FNBP1: variants seen among roughly 807,000 people sequenced by gnomAD.
The protein encoded by FNBP1 is formin binding protein 1, also known as formin-binding protein 1.
A neutral mutation model predicts 90.6 loss-of-function variants in FNBP1; 26 were observed. That is an observed-to-expected ratio of 0.29 (90% CI 0.21 to 0.40). FNBP1 has a LOEUF of 0.40. Ranked by LOEUF, FNBP1 falls within the 10% of genes least tolerant of loss-of-function variation. FNBP1 has a pLI of 1.00. For missense variants in FNBP1, 635 were observed against 768.0 expected (o/e 0.83, Z 2.05); for synonymous variants, 260 against 265.2 (o/e 0.98, Z 0.19).
chr9:129,938,983 A>T (rs886696422), intron 6 of FNBP1, among the ~76,000 whole-genome samples: 1 of 151,958 alleles, frequency 6.6e-6, no homozygotes, highest in African/African-American at 2.4e-5. Context: ...GAAATTGATT[A>T]TTATTACTTT....
intron 2 of FNBP1, among the ~76,000 whole-genome samples, chr9:129,991,053 C>G (rs1217976713): frequency 1.3e-5 from 2 of 150,802 alleles, no homozygotes; most frequent in Admixed American, 6.7e-5. Flanking sequence ...CCTGCCTTAG[C>G]CTCCTGAGTA....
upstream of FNBP1, among the ~76,000 whole-genome samples, chr9:130,043,394 C>G (rs960750670): frequency 1.3e-5 from 2 of 152,136 alleles, no homozygotes; most frequent in African/African-American, 4.8e-5. Context: ...GGACCCGGAT[C>G]CCTAGGACTC....
At chr9:129,953,759 G>T (rs1342950830) in intron 6 of FNBP1, among the ~76,000 whole-genome samples, 1 of 143,680 alleles carries the variant, frequency 7.0e-6, no homozygotes, top group African/African-American at 2.6e-5. Context: ...AGCATCTAAA[G>T]AAAGAACTTT....
At chr9:130,016,772 C>T (rs921651513) in intron 1 of FNBP1, among the ~76,000 whole-genome samples, 3 of 152,084 alleles carry the variant, frequency 2.0e-5, no homozygotes, top group African/African-American at 7.2e-5. Flanking sequence ...AAAATATTTG[C>T]TTAATGCATG....
chr9:129,907,092 T>C (rs1464964106), intron 12 of FNBP1, among the ~76,000 whole-genome samples: 2 of 151,410 alleles, frequency 1.3e-5, no homozygotes, highest in Admixed American at 6.6e-5. Context: ...CACGTTTTTT[T>C]TTTTTCTTTC....
At chr9:129,992,038 A>G (rs931036330) in intron 2 of FNBP1, among the ~76,000 whole-genome samples, 1 of 152,180 alleles carries the variant, frequency 6.6e-6, no homozygotes, top group Non-Finnish European at 1.5e-5. Flanking sequence ...TTAGAGATCC[A>G]TATCTGTGAG....
Position 129,911,840 on chromosome 9 carries a change from G to A in FNBP1, c.1186-2841C>T, listed in dbSNP as rs1264343026. On this transcript the variant is annotated intron_variant, in intron 11 of 16. Transcript: ENST00000446176. ...CCAGCTACTTGAGAGGCTGAGGCAG[G>A]AGAATTGCTTGAACCTGGGAGGCGG... Among the ~76,000 whole-genome samples the A allele has an allele frequency of 6.0e-5, 9 of 150,812 alleles. No individual in the cohort carries two copies. The South Asian group carries it at 1.9e-3, about 31-fold the overall frequency.
intron 1 of FNBP1, among the ~76,000 whole-genome samples, chr9:130,009,978 C>CAAAAAA (rs68122821): frequency 2.9e-5 from 2 of 69,956 alleles, no homozygotes; most frequent in African/African-American, 4.7e-5. Context: ...GACCCAGTCT[C>CAAAAAA]AAAAAAAAAA....
chr9:130,003,805 C>T (rs2055232973), intron 1 of FNBP1, among the ~76,000 whole-genome samples: 1 of 144,990 alleles, frequency 6.9e-6, no homozygotes. Context: ...TGCCTGTAGT[C>T]CCCAGCTACT....
chr9:129,960,398 A>AAAAG (rs2047625448), intron 4 of FNBP1, among the ~76,000 whole-genome samples: 6 of 132,088 alleles, frequency 4.5e-5, no homozygotes, highest in Non-Finnish European at 8.4e-5. Context: ...AAAAAAAAAA[A>AAAAG]AAAAAGAAAA....
At chr9:129,962,626 G>A (rs1034722414) in intron 4 of FNBP1, among the ~76,000 whole-genome samples, 1 of 152,178 alleles carries the variant, frequency 6.6e-6, no homozygotes, top group Non-Finnish European at 1.5e-5. Context: ...CTCTTTTGAG[G>A]TCGAGTTTCA....
intron 2 of FNBP1, among the ~76,000 whole-genome samples, chr9:129,993,359 C>T (rs1261486946): frequency 6.6e-6 from 1 of 151,682 alleles, no homozygotes; most frequent in Non-Finnish European, 1.5e-5. Flanking sequence ...TCATTAAGGA[C>T]TTTGCATGCC....
chr9:130,032,493 A>G (rs2058894117), intron 1 of FNBP1, among the ~76,000 whole-genome samples: 1 of 152,210 alleles, frequency 6.6e-6, no homozygotes, highest in Non-Finnish European at 1.5e-5. Flanking sequence ...GTAAATTTTA[A>G]AAGTCAGTCA....
intron 6 of FNBP1, among the ~76,000 whole-genome samples, chr9:129,954,071 T>C (rs1378874035): frequency 1.3e-5 from 2 of 150,778 alleles, no homozygotes; most frequent in Non-Finnish European, 3.0e-5. Flanking sequence ...AAAAAACGTA[T>C]CCAGAAAAAA....
intron 4 of FNBP1, among the ~76,000 whole-genome samples, chr9:129,959,105 G>A (rs2047406762): frequency 6.6e-6 from 1 of 150,936 alleles, no homozygotes; most frequent in Admixed American, 6.6e-5. Context: ...CAGTCACAGA[G>A]TTCCCTTTAC....
At chr9:130,023,975 A>T (rs2058098800) in intron 1 of FNBP1, among the ~76,000 whole-genome samples, 1 of 151,998 alleles carries the variant, frequency 6.6e-6, no homozygotes. Flanking sequence ...GCCTTGCCTG[A>T]TCTCGGCCAC....
chr9:129,930,930 G>A (rs1384551917), intron 6 of FNBP1, among the ~76,000 whole-genome samples: 1 of 152,178 alleles, frequency 6.6e-6, no homozygotes, highest in Non-Finnish European at 1.5e-5. Context: ...ACAGGAAATA[G>A]GCTGTCTTCC....
intron 12 of FNBP1, 33 bp from the exon 13 acceptor site, chr9:129,903,034 G>A (rs2037252702): frequency 1.9e-6 from 3 of 1,545,148 alleles, no homozygotes; most frequent in East Asian, 2.4e-5. Context: ...TGCTGTAAAG[G>A]TTACTCCATT....
At chr9:129,956,046 C>T (rs1423038107) in intron 6 of FNBP1, among the ~76,000 whole-genome samples, 2 of 152,106 alleles carry the variant, frequency 1.3e-5, no homozygotes, top group Non-Finnish European at 2.9e-5. Context: ...TGAGAACACT[C>T]CCCTGCTCCT....
Sources: allele counts gnomAD v4.1 joint callset (sites outside exome capture counted in the v4.1 genomes callset), GRCh38; gene constraint gnomAD v4.1.1; transcripts MANE v1.5; gene names NCBI Gene and HGNC (gene_info 2026-07-23, HGNC 2026-07-21).